USP3: variants seen among roughly 807,000 people sequenced by gnomAD.
USP3 encodes the protein ubiquitin carboxyl-terminal hydrolase 3.
A neutral mutation model predicts 72.3 loss-of-function variants in USP3; 20 were observed. The ratio of observed to expected loss-of-function variants is 0.28; its 90% CI spans 0.19 to 0.40. The LOEUF (loss-of-function observed/expected upper bound fraction) is 0.40, where lower values mean the gene tolerates loss of function less well. USP3 is among the 10% of genes least tolerant of loss of function. The pLI, the probability that USP3 is intolerant of heterozygous loss-of-function variation, is 1.00. For missense variants in USP3, 479 were observed against 633.9 expected (o/e 0.76, Z 2.62); for synonymous variants, 222 against 225.3 (o/e 0.99, Z 0.13).
intron 1 of USP3, among the ~76,000 whole-genome samples, chr15:63,519,997 A>T (rs1475804509): frequency 1.3e-5 from 2 of 152,084 alleles, no homozygotes; most frequent in Non-Finnish European, 1.5e-5. Flanking sequence ...ACTTTCTCGC[A>T]CAAGATGTTC....
chr15:63,581,343 TTTTGTGTGTGTG>T lies in USP3; in HGVS notation c.1096+6942_1097-6949del, dbSNP rs1233160242. On this transcript the variant is annotated intron_variant, in intron 11 of 14. Transcript: ENST00000380324. The stretch of plus-strand genomic sequence containing the variant: ...TGTTTATATGTATGTTTGTGTTGGT[TTTTGTGTGTGTG>T]TGTGTGTGTGTGTGTGTGTGTGTGT... Among the ~76,000 whole-genome samples, 30 of 132,492 alleles carry T rather than the reference TTTTGTGTGTGTG, an allele frequency of 2.3e-4. 1 individual carries two copies. The highest frequency in any genetic ancestry group is 6.8e-4 in the African/African-American group (24 of 35,310). 86.9% of individuals were successfully genotyped at this position (132,492 alleles called of 152,430 possible).
intron 7 of USP3, among the ~76,000 whole-genome samples, chr15:63,561,099 CAGCAGCATCTAGGATGAGTTG>C (rs1259031705): frequency 2.0e-5 from 3 of 151,488 alleles, no homozygotes; most frequent in Non-Finnish European, 4.4e-5. Context: ...GTTTCCCTCA[CAGCAGCATCTAGGATGAGTTG>C]AGCAGCATCT....
At position 63,576,429 on chromosome 15, in the gene USP3, T is replaced by C. The variant is rs573175431; in HGVS notation, c.1096+2026T>C. 2.9e-4 allele frequency among the ~76,000 whole-genome samples: 44 copies of C among 152,320 alleles called. 1 individual carries two copies. In the South Asian group the frequency reaches 8.5e-3, roughly 29 times the overall value. ...GTTGTTTCCCTCATTCTGAGTTGGTTCTATATGTAGTTCTTATTGACTTTC... is the reference window on the plus strand; with the variant it reads ...GTTGTTTCCCTCATTCTGAGTTGGTCCTATATGTAGTTCTTATTGACTTTC... On this transcript the variant is annotated intron_variant, in intron 11 of 14. Transcript: ENST00000380324.
rs2067111969 is a variant in USP3, at chr15:63,588,078, A to AGATGTCAGGCAT, written c.1097-222_1097-211dup. On this transcript the variant is annotated intron_variant, in intron 11 of 14. Transcript: ENST00000380324. This position sits in a 1 kb window ranked among gnomAD's most constrained non-coding sequence, Gnocchi z 4.6. ...AAAACCAACACAATTGATCATCACC[A>AGATGTCAGGCAT]GATGTCAGGCATGATGCCAGGTGCT... 1 of 383,628 alleles carries AGATGTCAGGCAT rather than the reference A, an allele frequency of 2.6e-6. No individual in the cohort carries two copies. The highest frequency in any genetic ancestry group is 4.7e-6 in the Non-Finnish European group (1 of 214,826). 23.8% of individuals were successfully genotyped at this position (383,628 alleles called of 1,614,324 possible).
rs117112444 is a variant in USP3, at chr15:63,544,377, G to A, written c.284+7221G>A. On this transcript the variant is annotated intron_variant, in intron 3 of 14. Transcript: ENST00000380324. The surrounding 1 kb of genome is among the most constrained non-coding windows in gnomAD (Gnocchi z 4.2). ...TGTAGAGTCCAGTTAATATGAGTGA[G>A]GTCTGGTAGAAAGAAAGTAACTTTA... is the stretch of plus-strand genomic sequence containing the variant. 0.028 allele frequency: 7,811 copies of A among 280,740 alleles called. 159 individuals carry two copies. The highest frequency in any genetic ancestry group is 0.037 in the Non-Finnish European group (5,408 of 147,408). 17.4% of individuals were successfully genotyped at this position (280,740 alleles called of 1,614,324 possible).
intron 3 of USP3, among the ~76,000 whole-genome samples, chr15:63,543,441 AT>A (rs943420828): frequency 6.6e-6 from 1 of 152,040 alleles, no homozygotes; most frequent in African/African-American, 2.4e-5. Context: ...GTACCTTTTT[AT>A]TTGGGAGGAG....
At chr15:63,578,333 G>A (rs892890004) in intron 11 of USP3, among the ~76,000 whole-genome samples, 5 of 151,998 alleles carry the variant, frequency 3.3e-5, no homozygotes, top group African/African-American at 9.7e-5. Context: ...GGCCAGGCGT[G>A]GTGGCTGAAG....
chr15:63,573,363 G>A (rs1566913435), intron 9 of USP3, among the ~76,000 whole-genome samples: 1 of 152,170 alleles, frequency 6.6e-6, no homozygotes, highest in Admixed American at 6.5e-5. Flanking sequence ...GCATAAAAAG[G>A]TTAAATAACA....
Position 63,522,089 on chromosome 15 carries a change from T to G in USP3, c.92-10558T>G, listed in dbSNP as rs534008497. On this transcript the variant is annotated intron_variant, in intron 1 of 14. Coordinates refer to ENST00000380324, the MANE Select transcript of USP3 (RefSeq NM_006537.4). ...CGAGGTCTCACTATATTGCCCAGGC[T>G]GATCTGGAACTCCTGGTCTCAGGCG... Among the ~76,000 whole-genome samples the G allele has an allele frequency of 5.3e-5, 8 of 152,336 alleles. No homozygotes were observed. The East Asian group carries it at 1.5e-3, about 29-fold the overall frequency.
chr15:63,548,475 G>A (rs1286222090), intron 3 of USP3, among the ~76,000 whole-genome samples: 3 of 151,900 alleles, frequency 2.0e-5, no homozygotes, highest in African/African-American at 7.3e-5. Context: ...ACAGGCACAC[G>A]CTACAACTCC....
rs909141961 is a variant in USP3 at position 63,504,659 on chromosome 15, A to G, written c.-81A>G. On this transcript the variant is annotated 5_prime_UTR_variant, in exon 1 of 15. Coordinates refer to ENST00000380324, the MANE Select transcript of USP3 (RefSeq NM_006537.4). ...CGAGCGCCCGGCTAGAAGCGACACC[A>G]GACGGAGCCTCCGGAGTTCCTCCGC... is the stretch of plus-strand genomic sequence containing the variant. 3.2e-6 allele frequency: 4 copies of G among 1,265,788 alleles called. No homozygotes were observed. Among genetic ancestry groups the G allele is most frequent in the East Asian group, 6.1e-5 (2 of 32,540 alleles). 78.4% of individuals were successfully genotyped at this position (1,265,788 alleles called of 1,614,324 possible).
Position 63,577,092 on chromosome 15 carries a change from T to C in USP3, c.1096+2689T>C, listed in dbSNP as rs965559763. 2.0e-5 allele frequency among the ~76,000 whole-genome samples: 3 copies of C among 152,282 alleles called. No homozygotes were observed. The South Asian group carries it at 6.2e-4, about 32-fold the overall frequency. ...CATCTTAAATAACTTAAGTAACTTT[T>C]GAAATTAACTAAAAATACGCATATT... On this transcript the variant is annotated intron_variant, in intron 11 of 14. Coordinates refer to ENST00000380324, the MANE Select transcript of USP3 (RefSeq NM_006537.4).
intron 11 of USP3, among the ~76,000 whole-genome samples, chr15:63,581,870 A>C (rs2066970006): frequency 6.6e-6 from 1 of 150,694 alleles, no homozygotes; most frequent in Admixed American, 6.6e-5. Flanking sequence ...TTTTTTGTAG[A>C]CACAGGGTTT....
At chr15:63,578,128 T>C (rs2066895206) in intron 11 of USP3, among the ~76,000 whole-genome samples, 2 of 151,116 alleles carry the variant, frequency 1.3e-5, no homozygotes, top group Admixed American at 1.3e-4. Flanking sequence ...ATACAAAAAT[T>C]AGCCAGGTAC....
intron 14 of USP3, 90 bp downstream of exon 14, chr15:63,589,101 C>T: frequency 7.0e-7 from 1 of 1,434,082 alleles, no homozygotes; most frequent in Non-Finnish European, 9.7e-7. Context: ...CTAGTTCTTC[C>T]TAAAAAATGG....
At chr15:63,563,056 A>G in intron 8 of USP3, 48 bp downstream of exon 8, 1 of 1,288,498 alleles carries the variant, frequency 7.8e-7, no homozygotes, top group Non-Finnish European at 1.1e-6. Context: ...TAGTGTTTAT[A>G]CTGTTCCTGA....
chr15:63,505,934 T>G (rs1375392187), intron 1 of USP3, among the ~76,000 whole-genome samples: 1 of 152,184 alleles, frequency 6.6e-6, no homozygotes, highest in Non-Finnish European at 1.5e-5. Context: ...GGAAGATAGT[T>G]TAGAGAATGC....
chr15:63,568,907 T>C (rs1000194965), intron 8 of USP3, among the ~76,000 whole-genome samples: 2 of 152,134 alleles, frequency 1.3e-5, no homozygotes, highest in African/African-American at 4.8e-5. Flanking sequence ...ATAGGAAACA[T>C]AGAAAATAAT....
chr15:63,522,978 A>G (rs1434468393), intron 1 of USP3, among the ~76,000 whole-genome samples: 1 of 152,172 alleles, frequency 6.6e-6, no homozygotes, highest in African/African-American at 2.4e-5. Context: ...TAAATGTTTT[A>G]CCTGAGTGGC....
Sources: allele counts gnomAD v4.1 joint callset (sites outside exome capture counted in the v4.1 genomes callset), GRCh38; gene constraint gnomAD v4.1.1; non-coding constraint Gnocchi (gnomAD v3.1); transcripts MANE v1.5; gene names NCBI Gene and HGNC (gene_info 2026-07-23, HGNC 2026-07-21).